Variants in TRIM46 observed in about 807,000 individuals in gnomAD.
The protein encoded by TRIM46 is tripartite motif-containing protein 46.
A neutral mutation model predicts 69.7 loss-of-function variants in TRIM46; 17 were observed. The observed-to-expected ratio is 0.24, with a 90% CI of 0.17 to 0.37. The LOEUF (loss-of-function observed/expected upper bound fraction) is 0.37. Ranked by LOEUF, TRIM46 falls within the 10% of genes least tolerant of loss-of-function variation. TRIM46 has a pLI of 1.00. For missense variants in TRIM46, 675 were observed against 1,025.1 expected (o/e 0.66, Z 4.66); for synonymous variants, 391 against 429.0 (o/e 0.91, Z 1.09).
rs1665594446 is a variant in TRIM46 at position 155,175,712 on chromosome 1, G to A, written c.325+65G>A. ...GCTATTCATCAGGAAGATGGAAGAA[G>A]TCCATCACTGGTCAGAGGCATCTGT... On this transcript the variant is annotated intron_variant, in intron 2 of 9. Coordinates refer to ENST00000334634, the MANE Select transcript of TRIM46 (RefSeq NM_025058.5). This position sits in a 1 kb window ranked among gnomAD's most constrained non-coding sequence, Gnocchi z 4.2. The A allele has an allele frequency of 1.2e-6, 2 of 1,606,728 alleles. No homozygotes were observed. The highest frequency in any genetic ancestry group is 1.3e-5 in the African/African-American group (1 of 74,860).
rs769127356 is a variant in TRIM46 at position 155,175,684 on chromosome 1, TGAGCTATTCATCA to T, written c.325+39_325+51del. ...GCCTGTAGGGTGGGGATGGGAACGC[TGAGCTATTCATCA>T]GGAAGATGGAAGAAGTCCATCACTG... is the stretch of plus-strand genomic sequence containing the variant. On this transcript the variant is annotated intron_variant, in intron 2 of 9. Coordinates refer to ENST00000334634, the MANE Select transcript of TRIM46 (RefSeq NM_025058.5). The surrounding 1 kb of genome is among the most constrained non-coding windows in gnomAD (Gnocchi z 4.2). 6 of 1,612,144 alleles carry T rather than the reference TGAGCTATTCATCA, an allele frequency of 3.7e-6. No homozygotes were observed. The South Asian group carries it at 6.6e-5, about 18-fold the overall frequency.
At chr1:155,174,713 T>G (rs1665486921) in intron 1 of TRIM46, 7 of 1,380,944 alleles carry the variant, frequency 5.1e-6, no homozygotes, top group South Asian at 3.1e-5. Context: ...GGACTTCCGG[T>G]GGGGAGGGGG....
chr1:155,176,186 G>T lies in TRIM46; in HGVS notation c.624G>T (p.Lys208Asn). 6.2e-7 allele frequency: 1 copy of T among 1,611,830 alleles called. No individual in the cohort carries two copies. The highest frequency in any genetic ancestry group is 8.5e-7 in the Non-Finnish European group (1 of 1,179,952). ...TCTTCCACCCCTGGGGCACCCAGAA[G>T]GCCCAGCATGAGCCCACCCTGCCTA... Reference protein sequence around the residue: ...FKLFHPWGTQKAQHEPTLPTL... With the variant: ...FKLFHPWGTQNAQHEPTLPTL... The change falls in exon 3 of 10, where the codon AAG becomes AAT. Residue 208 changes from lysine to asparagine, a missense_variant. Physicochemically the swap from Lys to Asn is moderately conservative, Grantham distance 94. Coordinates refer to ENST00000334634, the MANE Select transcript of TRIM46 (RefSeq NM_025058.5).
chr1:155,178,739 T>TGGGGCCCCCCCCCCCCCCCC, intron 7 of TRIM46, 126 bp downstream of exon 7: 3 of 1,348,470 alleles, frequency 2.2e-6, no homozygotes, highest in Non-Finnish European at 3.1e-6. Flanking sequence ...CAGCCATTCC[T>TGGGGCCCCCCCCCCCCCCCC]CCCACCCAGC....
In TRIM46 at chr1:155,176,931, G is replaced by C; in HGVS notation, c.670-1G>C. On this transcript the variant is annotated splice_acceptor_variant, in intron 3 of 9. Transcript: ENST00000334634. LOFTEE classifies it high-confidence loss of function. ...CATCACATTGTTCTTTGTGTCCCTA[G>C]GGCCTTATGTGCCCAGACCACAAGG... 6.2e-7 allele frequency: 1 copy of C among 1,613,734 alleles called. No homozygotes were observed. The highest frequency in any genetic ancestry group is 8.5e-7 in the Non-Finnish European group (1 of 1,179,652).
chr1:155,179,117 A>C (rs887836001), intron 7 of TRIM46, among the ~76,000 whole-genome samples: 2 of 151,654 alleles, frequency 1.3e-5, no homozygotes, highest in Non-Finnish European at 2.9e-5. Context: ...CCCTGCCCTC[A>C]GCTTTTGCTG....
chr1:155,182,425 T>C, intron 9 of TRIM46: 1 of 571,164 alleles, frequency 1.8e-6, no homozygotes, highest in Non-Finnish European at 3.1e-6. Context: ...CAACCATCTG[T>C]CACTCTGGAT....
rs1226150278 is a variant in TRIM46 at position 155,184,390 on chromosome 1, C to T, written c.*200C>T. On this transcript the variant is annotated 3_prime_UTR_variant, in exon 10 of 10. Coordinates refer to ENST00000334634, the MANE Select transcript of TRIM46 (RefSeq NM_025058.5). The surrounding 1 kb of genome is among the most constrained non-coding windows in gnomAD (Gnocchi z 5.6). ...TCTGCCCACCTCTCTGGATGGCCCC[C>T]GTTCTCTCCATTGCTTGTTAGCCAG... 14 of 625,644 alleles carry T rather than the reference C, an allele frequency of 2.2e-5. No individual in the cohort carries two copies. The highest frequency in any genetic ancestry group is 3.8e-5 in the Non-Finnish European group (14 of 369,440). 38.8% of individuals were successfully genotyped at this position (625,644 alleles called of 1,614,324 possible). A position where few individuals can be genotyped will look rare whatever the true frequency, so the allele number is the denominator to read the frequency against.
rs767877890 is a variant in TRIM46, at chr1:155,184,113, G to A, written c.2203G>A (p.Ala735Thr). ...TGCCTTTTGCTTCATCGGGGGTGGC[G>A]CAGTACAGCTCCAGGAGCCAGTGGG... ...CPAFCFIGGG[A>T]VQLQEPVGTK... The change falls in exon 10 of 10, where the codon GCA (alanine) becomes ACA (threonine). Residue 735 changes from alanine to threonine, a missense_variant. Ala to Thr is a moderately conservative substitution (Grantham distance 58). This residue lies in a region of TRIM46 where 108 missense variants were observed against 153.0 expected (regional missense o/e 0.71). Transcript: ENST00000334634. This position sits in a 1 kb window ranked among gnomAD's most constrained non-coding sequence, Gnocchi z 5.6. The A allele has an allele frequency of 3.1e-6, 5 of 1,613,792 alleles. No individual in the cohort carries two copies. Among genetic ancestry groups the A allele is most frequent in the Non-Finnish European group, 3.4e-6 (4 of 1,180,032 alleles).
chr1:155,178,739 T>TTGGGCCCCCCCCCCCCCCCCCCCCCCCC, intron 7 of TRIM46, 126 bp downstream of exon 7: 8 of 1,348,462 alleles, frequency 5.9e-6, no homozygotes, highest in Non-Finnish European at 7.1e-6. Context: ...CAGCCATTCC[T>TTGGGCCCCCCCCCCCCCCCCCCCCCCCC]CCCACCCAGC....
In TRIM46 at chr1:155,178,567, C is replaced by T. The variant is rs780154098; in HGVS notation, c.1239C>T (p.Asp413=). The T allele has an allele frequency of 3.8e-5, 62 of 1,613,970 alleles. No homozygotes were observed. Among genetic ancestry groups the T allele is most frequent in the East Asian group, 1.8e-4 (8 of 44,898 alleles). Residue 413 remains aspartate (D), a synonymous_variant, in exon 7 of 10, where the codon GAC becomes GAT. Transcript: ENST00000334634. Reference sequence around the variant, plus strand: ...CCTCCTTCCGCCATTGCCAGCTCGACGTGGGACGTGAGATGAAGCTGCTGA... The same window carrying T: ...CCTCCTTCCGCCATTGCCAGCTCGATGTGGGACGTGAGATGAAGCTGCTGA... ...ASSSFRHCQL[D]VGREMKLLTE... is the part of the protein sequence containing the mutation.
rs779400248 is a variant in TRIM46, at chr1:155,177,036, C to T, written c.774C>T (p.His258=). 2 of 1,614,196 alleles carry T rather than the reference C, an allele frequency of 1.2e-6. No homozygotes were observed. The highest frequency in any genetic ancestry group is 2.2e-5 in the South Asian group (2 of 91,088). The change falls in exon 4 of 10, where the codon CAC becomes CAT. Residue 258 remains histidine (H), a synonymous_variant. Transcript: ENST00000334634. ...GGGTGCGGCGCACCCACAGCGGGCA[C>T]AAGATCACACCAGTGCTCAGTGCCT... ...LCRVRRTHSG[H]KITPVLSAYQ...
In TRIM46 at chr1:155,175,955, A is replaced by C. The variant is rs770044826; in HGVS notation, c.393A>C (p.Pro131=). The change falls in exon 3 of 10, where the codon CCA becomes CCC. Residue 131 remains proline (P), a synonymous_variant. Coordinates refer to ENST00000334634, the MANE Select transcript of TRIM46 (RefSeq NM_025058.5). The surrounding 1 kb of genome is among the most constrained non-coding windows in gnomAD (Gnocchi z 4.2). The part of the protein sequence containing the change: ...LHPQVIMFPC[P]ACQGDVELGE... ...CCCAAGTGATCATGTTCCCGTGCCCAGCCTGCCAAGGTGATGTGGAGCTTG... is the reference window on the plus strand; with the variant it reads ...CCCAAGTGATCATGTTCCCGTGCCCCGCCTGCCAAGGTGATGTGGAGCTTG... 5.8e-5 allele frequency: 94 copies of C among 1,609,474 alleles called. No homozygotes were observed. Among genetic ancestry groups the C allele is most frequent in the Admixed American group, 3.5e-4 (21 of 59,832 alleles).
At chr1:155,183,621 C>G (rs561929541) in intron 9 of TRIM46, among the ~76,000 whole-genome samples, 176 bp from the exon 10 acceptor site, 2 of 152,292 alleles carry the variant, frequency 1.3e-5, no homozygotes, top group South Asian at 4.1e-4. Context: ...CCACCAAACC[C>G]AAACCCCTGA....
intron 4 of TRIM46, 26 bp downstream of exon 4, chr1:155,177,101 A>T (rs1280385744): frequency 6.2e-7 from 1 of 1,612,796 alleles, no homozygotes; most frequent in Admixed American, 1.7e-5. Context: ...ATCCAACCCT[A>T]GTGCTAACTC....
chr1:155,174,061 G>T, intron 1 of TRIM46, 32 bp downstream of exon 1: 1 of 1,551,566 alleles, frequency 6.4e-7, no homozygotes. Flanking sequence ...GGAAGGGGAG[G>T]GGGCGTATAG....
At chr1:155,176,338 A>G (rs1477132494) in intron 3 of TRIM46, 107 bp downstream of exon 3, 8 of 1,013,272 alleles carry the variant, frequency 7.9e-6, no homozygotes, top group African/African-American at 3.2e-5. Context: ...GGGTTTTCCA[A>G]TGCTAAGCAC....
intron 8 of TRIM46, 61 bp downstream of exon 8, chr1:155,179,995 T>TGACG (rs1666021939): frequency 1.3e-6 from 2 of 1,507,334 alleles, no homozygotes; most frequent in Non-Finnish European, 1.8e-6. Context: ...GCCTAGGCCC[T>TGACG]GACGGTTGGT....
Position 155,175,447 on chromosome 1 carries a change from A to G in TRIM46, c.125A>G (p.Gln42Arg). The G allele has an allele frequency of 6.2e-7, 1 of 1,614,146 alleles. No homozygotes were observed. Among genetic ancestry groups the G allele is most frequent in the East Asian group, 2.2e-5 (1 of 44,890 alleles). ...LCPVCQEMYK[Q>R]PLVLPCTHNV... is the part of the protein sequence containing the mutation. Reference sequence around the variant, plus strand: ...CCAGTGTGTCAAGAGATGTACAAGCAGCCACTGGTGCTGCCCTGTACCCAC... The same window carrying G: ...CCAGTGTGTCAAGAGATGTACAAGCGGCCACTGGTGCTGCCCTGTACCCAC... Residue 42 changes from glutamine to arginine, a missense_variant, in exon 2 of 10, where the codon CAG (glutamine) becomes CGG (arginine). By Grantham distance (43) the Gln-to-Arg change is conservative (BLOSUM62 1). Around this residue, in one of 5 missense-constraint regions of TRIM46, gnomAD observed 170 missense variants for 255.6 expected, o/e 0.67. Transcript: ENST00000334634. This position sits in a 1 kb window ranked among gnomAD's most constrained non-coding sequence, Gnocchi z 4.2.
Sources: gnomAD v4.1 joint callset for allele counts (sites outside exome capture counted in the v4.1 genomes callset) on GRCh38, gnomAD v4.1.1 for gene constraint, gnomAD v4.1.1 regional missense constraint, Gnocchi (gnomAD v3.1) non-coding constraint, MANE v1.5 for transcripts, NCBI Gene and HGNC (gene_info 2026-07-23, HGNC 2026-07-21) for gene names.